Variants in EPHA5 observed in about 807,000 individuals in gnomAD.
EPHA5 encodes the protein ephrin type-A receptor 5.
In EPHA5, 60 loss-of-function variants were observed where a neutral mutation model predicts 105.0. The ratio of observed to expected loss-of-function variants is 0.57; its 90% CI spans 0.46 to 0.71. EPHA5 has a LOEUF of 0.71. Ranked by LOEUF, EPHA5 falls within the 30% of genes least tolerant of loss-of-function variation. EPHA5 has a pLI of 0.00. For synonymous variants in EPHA5, 513 were observed against 449.1 expected, an observed-to-expected ratio of 1.14 and a Z score of -1.80; for missense variants, 1,218 against 1,274.7, an observed-to-expected ratio of 0.96 and a Z score of 0.68.
chr4:65,351,318 A>T, intron 13 of EPHA5, 71 bp downstream of exon 13: 1 of 1,379,102 alleles, frequency 7.3e-7, no homozygotes, highest in African/African-American at 1.4e-5. Context: ...TCTTTTAGCT[A>T]TTTCTTTCAG....
chr4:65,401,941 GAGAT>G (rs957989486), intron 8 of EPHA5, among the ~76,000 whole-genome samples: 1 of 151,812 alleles, frequency 6.6e-6, no homozygotes, highest in Non-Finnish European at 1.5e-5. Flanking sequence ...GAAAGAGAGA[GAGAT>G]AGAGATGGTT....
chr4:65,331,472 T>C (rs1262275922), intron 16 of EPHA5: 20 of 1,049,634 alleles, frequency 1.9e-5, no homozygotes, highest in Non-Finnish European at 2.2e-5. Context: ...ATTGAAAGAA[T>C]GTAAGGTGCA....
intron 16 of EPHA5, among the ~76,000 whole-genome samples, chr4:65,329,962 A>C (rs1720436965): frequency 6.6e-6 from 1 of 151,434 alleles, no homozygotes; most frequent in Non-Finnish European, 1.5e-5. Context: ...AGTCGAAAGC[A>C]CAGAAAACAA....
chr4:65,360,635 C>G (rs1244947579), intron 11 of EPHA5, among the ~76,000 whole-genome samples: 1 of 151,404 alleles, frequency 6.6e-6, no homozygotes, highest in Non-Finnish European at 1.5e-5. Context: ...ATTCTTAATG[C>G]AATGTTAATA....
intron 3 of EPHA5, among the ~76,000 whole-genome samples, chr4:65,576,209 T>C (rs1015520636): frequency 2.0e-5 from 3 of 150,774 alleles, no homozygotes; most frequent in East Asian, 2.0e-4. Context: ...ATGCAGAAAA[T>C]TGATCAAGGG....
intron 1 of EPHA5, among the ~76,000 whole-genome samples, chr4:65,649,427 T>A (rs548792676): frequency 6.6e-6 from 1 of 152,310 alleles, no homozygotes; most frequent in East Asian, 1.9e-4. Context: ...AACCAGAGAC[T>A]GATTTCATTC....
chr4:65,420,557 G>T lies in EPHA5; in HGVS notation c.1411C>A (p.Pro471Thr), dbSNP rs915451850. The T allele has an allele frequency of 6.2e-7, 1 of 1,612,596 alleles. No homozygotes were observed. Among genetic ancestry groups the T allele is most frequent in the Non-Finnish European group, 8.5e-7 (1 of 1,179,346 alleles). The change falls in exon 6 of 17, where the codon CCA (proline) becomes ACA (threonine). Residue 471 changes from proline (P) to threonine (T), a missense_variant. By Grantham distance (38) the Pro-to-Thr change is conservative (BLOSUM62 -1). This residue lies in a region of EPHA5 where 971 missense variants were observed against 1,013.5 expected (regional missense o/e 0.96). Transcript: ENST00000613740. ...TTCCCTTTTTTCACATTGGTGACTG[G>T]AGATGGAGCTGCAAAATAGTTTAAA... is the stretch of plus-strand genomic sequence containing the variant. ...NVTTNQAAPSPVTNVKKGKIA... is the reference protein window; with the variant it reads ...NVTTNQAAPSTVTNVKKGKIA...
At chr4:65,376,967 C>T (rs1299473443) in intron 8 of EPHA5, 1 of 1,581,584 alleles carries the variant, frequency 6.3e-7, no homozygotes, top group Non-Finnish European at 8.6e-7. Context: ...GTGGACATCA[C>T]ATAGGAGTGA....
At chr4:65,394,483 TG>T (rs1721023008) in intron 8 of EPHA5, among the ~76,000 whole-genome samples, 1 of 152,222 alleles carries the variant, frequency 6.6e-6, no homozygotes, top group Non-Finnish European at 1.5e-5. Flanking sequence ...TCTATTATTT[TG>T]TATCCTTCTC....
intron 1 of EPHA5, among the ~76,000 whole-genome samples, chr4:65,664,058 T>C (rs541014315): frequency 3.9e-5 from 6 of 152,000 alleles, no homozygotes; most frequent in South Asian, 2.1e-4. Flanking sequence ...CTCAAACACT[T>C]TAAAATCTAT....
At chr4:65,497,388 G>A (rs1732049171) in intron 3 of EPHA5, among the ~76,000 whole-genome samples, 1 of 152,064 alleles carries the variant, frequency 6.6e-6, no homozygotes, top group African/African-American at 2.4e-5. Flanking sequence ...AAGCCTTAAT[G>A]CTCTTATAAA....
intron 5 of EPHA5, among the ~76,000 whole-genome samples, chr4:65,442,993 CT>C (rs1054174481): frequency 3.9e-5 from 6 of 152,058 alleles, no homozygotes; most frequent in African/African-American, 1.4e-4. Context: ...GTTAGAAACC[CT>C]TTAAAGTCGC....
intron 2 of EPHA5, among the ~76,000 whole-genome samples, chr4:65,625,920 A>G (rs1746105089): frequency 6.6e-6 from 1 of 152,046 alleles, no homozygotes; most frequent in South Asian, 2.1e-4. Context: ...GACCACGGTG[A>G]AACCCCGTCT....
rs148075260 is a variant in EPHA5 at position 65,667,753 on chromosome 4, G to A, written c.181+1809C>T. ...AATTCTTCCAATTTTCTAACCAAGA[G>A]CGACTCCCTTTCATCTCCACCTAAG... On this transcript the variant is annotated intron_variant, in intron 1 of 16. Coordinates refer to ENST00000613740, the MANE Select transcript of EPHA5 (RefSeq NM_001281766.3). 8.3e-4 allele frequency among the ~76,000 whole-genome samples: 126 copies of A among 152,242 alleles called. 1 individual carries two copies. Among genetic ancestry groups the A allele is most frequent in the African/African-American group, 2.9e-3 (121 of 41,532 alleles).
intron 3 of EPHA5, among the ~76,000 whole-genome samples, chr4:65,509,304 A>G (rs1203989670): frequency 6.6e-6 from 1 of 152,126 alleles, no homozygotes; most frequent in African/African-American, 2.4e-5. Flanking sequence ...ATAGTATTAT[A>G]TATTATTTAT....
At chr4:65,423,995 A>G (rs558858896) in intron 5 of EPHA5, among the ~76,000 whole-genome samples, 4 of 152,004 alleles carry the variant, frequency 2.6e-5, no homozygotes, top group Non-Finnish European at 5.9e-5. Context: ...TGATGTTGCG[A>G]ACTCTAATTA....
At chr4:65,465,476 AAAG>A (rs1560566930) in intron 5 of EPHA5, among the ~76,000 whole-genome samples, 4 of 80,320 alleles carry the variant, frequency 5.0e-5, no homozygotes, top group African/African-American at 2.0e-4. Context: ...AAAAAGAAAG[AAAG>A]AAAGAAAGAA....
rs1388192371 is a variant in EPHA5 at position 65,366,014 on chromosome 4, A to G, written c.1905T>C (p.Tyr635=). ...CGTGGACAGCTTGATTGGGATCCTC[A>G]TAGGTATGTGGATCAATGTAAGTTC... ...GVRTYIDPHT[Y]EDPNQAVHEF... Residue 635 remains tyrosine, a synonymous_variant, in exon 10 of 17, where the codon TAT becomes TAC. Coordinates refer to ENST00000613740, the MANE Select transcript of EPHA5 (RefSeq NM_001281766.3). 1.2e-6 allele frequency: 2 copies of G among 1,604,114 alleles called. No homozygotes were observed. The highest frequency in any genetic ancestry group is 1.7e-6 in the Non-Finnish European group (2 of 1,173,104).
chr4:65,612,909 T>C (rs1274242806), intron 2 of EPHA5, among the ~76,000 whole-genome samples: 2 of 152,312 alleles, frequency 1.3e-5, no homozygotes, highest in East Asian at 3.9e-4. Flanking sequence ...ATTTTTGTTT[T>C]TGTTGCATTT....
Sources: allele counts gnomAD v4.1 joint callset (sites outside exome capture counted in the v4.1 genomes callset), GRCh38; gene constraint gnomAD v4.1.1; regional missense constraint gnomAD v4.1.1; transcripts MANE v1.5; gene names NCBI Gene and HGNC (gene_info 2026-07-23, HGNC 2026-07-21).